Variants in CDC42EP2 observed in about 807,000 individuals in gnomAD.
CDC42EP2 encodes the protein CDC42 effector protein (Rho GTPase binding) 2.
A neutral mutation model predicts 7.3 loss-of-function variants in CDC42EP2; 5 were observed. The ratio of observed to expected loss-of-function variants is 0.68; its 90% CI spans 0.36 to 1.44. The LOEUF (loss-of-function observed/expected upper bound fraction) is 1.44. CDC42EP2 is among the 40% of genes most tolerant of loss of function. The probability of loss-of-function intolerance (pLI) is 0.04; values close to 1 mark genes in which losing one functional copy is unlikely to be tolerated. For missense variants in CDC42EP2, 251 were observed against 282.6 expected (o/e 0.89, Z 0.80); for synonymous variants, 113 against 123.6 (o/e 0.91, Z 0.57).
intron 1 of CDC42EP2, among the ~76,000 whole-genome samples, chr11:65,319,379 C>T (rs1949963300): frequency 6.6e-6 from 1 of 152,124 alleles, no homozygotes; most frequent in South Asian, 2.1e-4. Flanking sequence ...CCACCTGCCT[C>T]AGCCTCCCAA....
Position 65,321,414 on chromosome 11 carries a change from C to T in CDC42EP2, c.516C>T (p.Pro172=). The change falls in exon 2 of 2, where the codon CCC becomes CCT. Residue 172 remains proline, a synonymous_variant. Coordinates refer to ENST00000279249, the MANE Select transcript of CDC42EP2 (RefSeq NM_006779.4). This position sits in a 1 kb window ranked among gnomAD's most constrained non-coding sequence, Gnocchi z 4.4. Reference sequence around the variant, plus strand: ...CCCCGGAGTCAGGGGCCGAGGAGCCCTTCCTGTCCAATGCCAGCTCCCTGC... The same window carrying T: ...CCCCGGAGTCAGGGGCCGAGGAGCCTTTCCTGTCCAATGCCAGCTCCCTGC... ...GLTPESGAEE[P]FLSNASSLLS... The T allele has an allele frequency of 1.2e-6, 2 of 1,613,758 alleles. No individual in the cohort carries two copies. Among genetic ancestry groups the T allele is most frequent in the Non-Finnish European group, 1.7e-6 (2 of 1,180,028 alleles).
At chr11:65,320,126 T>C (rs1463614545) in intron 1 of CDC42EP2, among the ~76,000 whole-genome samples, 1 of 151,110 alleles carries the variant, frequency 6.6e-6, no homozygotes, top group Non-Finnish European at 1.5e-5. Context: ...GCAAGGGGAG[T>C]GCCCCACCCC....
At position 65,321,668 on chromosome 11, in the gene CDC42EP2, G is replaced by T. The variant is rs1487856955; in HGVS notation, c.*137G>T. 3.2e-5 allele frequency: 26 copies of T among 802,264 alleles called. No homozygotes were observed. The highest frequency in any genetic ancestry group is 5.0e-5 in the Non-Finnish European group (25 of 501,326). 49.7% of individuals were successfully genotyped at this position (802,264 alleles called of 1,614,324 possible). Reference sequence around the variant, plus strand: ...TGGCCAGTGATTCTCCTTCTGAGCCGTGTTTCCCCTCTCCCTCCCTCTCCA... The same window carrying T: ...TGGCCAGTGATTCTCCTTCTGAGCCTTGTTTCCCCTCTCCCTCCCTCTCCA... On this transcript the variant is annotated 3_prime_UTR_variant, in exon 2 of 2. Coordinates refer to ENST00000279249, the MANE Select transcript of CDC42EP2 (RefSeq NM_006779.4). This position sits in a 1 kb window ranked among gnomAD's most constrained non-coding sequence, Gnocchi z 4.4.
Position 65,321,037 on chromosome 11 carries a change from G to A in CDC42EP2, c.139G>A (p.Gly47Ser), listed in dbSNP as rs143788676. The A allele has an allele frequency of 1.7e-4, 274 of 1,613,966 alleles. No individual in the cohort carries two copies. The highest frequency in any genetic ancestry group is 8.2e-4 in the Middle Eastern group (5 of 6,084). ...FRHTIHIGSG[G>S]GSDMFGDISF... ...CCACACCATTCATATTGGCAGTGGC[G>A]GCGGCAGTGACATGTTTGGCGACAT... The change falls in exon 2 of 2, where the codon GGC becomes AGC. Residue 47 changes from glycine to serine, a missense_variant. Gly to Ser is a moderately conservative substitution (Grantham distance 56). Transcript: ENST00000279249. The surrounding 1 kb of genome is among the most constrained non-coding windows in gnomAD (Gnocchi z 4.4).
At chr11:65,317,018 C>G (rs80007781) in intron 1 of CDC42EP2, 3 of 150,296 alleles carry the variant, frequency 2.0e-5, no homozygotes, top group Non-Finnish European at 2.9e-5. Flanking sequence ...GGAAGACAAG[C>G]CCCCCCCAGG....
Position 65,320,561 on chromosome 11 carries a change from G to A in CDC42EP2, c.-338G>A, listed in dbSNP as rs191108161. ...TGTTTCAGCTCCTCAGCCCTGGACC[G>A]GGGACAAGTAACCCTCGGTGACAAG... On this transcript the variant is annotated 5_prime_UTR_variant, in exon 2 of 2. Coordinates refer to ENST00000279249, the MANE Select transcript of CDC42EP2 (RefSeq NM_006779.4). The A allele has an allele frequency of 1.1e-3, 314 of 278,222 alleles. No homozygotes were observed. The East Asian group carries it at 0.017, about 15-fold the overall frequency. 17.2% of individuals were successfully genotyped at this position (278,222 alleles called of 1,614,324 possible). A position where few individuals can be genotyped will look rare whatever the true frequency, so the allele number is the denominator to read the frequency against.
rs1036848484 is a variant in CDC42EP2 at position 65,314,908 on chromosome 11, C to T, written c.-402C>T. On this transcript the variant is annotated 5_prime_UTR_variant, in exon 1 of 2. Transcript: ENST00000279249. The stretch of plus-strand genomic sequence containing the variant: ...CGGGTCCGGCCGCCGCGCTGTCCAG[C>T]TCCTGAGACCTTGCTGTCCGCCGGT... 1 of 152,230 alleles carries T rather than the reference C, an allele frequency of 6.6e-6. No homozygotes were observed. Among genetic ancestry groups the T allele is most frequent in the African/African-American group, 2.4e-5 (1 of 41,464 alleles). The allele number at this position is 152,230 out of a possible 1,614,324, so 9.4% of individuals were successfully genotyped here.
rs1006984881 is a variant in CDC42EP2, at chr11:65,314,931, G to C, written c.-379G>C. On this transcript the variant is annotated 5_prime_UTR_variant, in exon 1 of 2. Coordinates refer to ENST00000279249, the MANE Select transcript of CDC42EP2 (RefSeq NM_006779.4). The stretch of plus-strand genomic sequence containing the variant: ...AGCTCCTGAGACCTTGCTGTCCGCC[G>C]GTCTGCCGTCTGCGCGCCTCACGGT... 2.0e-5 allele frequency: 3 copies of C among 152,280 alleles called. No individual in the cohort carries two copies. The highest frequency in any genetic ancestry group is 4.4e-5 in the Non-Finnish European group (3 of 68,090). The allele number at this position is 152,280 out of a possible 1,614,324, so 9.4% of individuals were successfully genotyped here.
chr11:65,318,317 C>T (rs906805024), intron 1 of CDC42EP2, among the ~76,000 whole-genome samples: 4 of 151,636 alleles, frequency 2.6e-5, no homozygotes, highest in African/African-American at 9.7e-5. Context: ...TGCAGTGGCG[C>T]GATCTAGGCC....
rs1231520304 is a variant in CDC42EP2, at chr11:65,315,004, C to G, written c.-356+50C>G. 6.6e-6 allele frequency: 1 copy of G among 152,322 alleles called. No homozygotes were observed. Among genetic ancestry groups the G allele is most frequent in the African/African-American group, 2.4e-5 (1 of 41,438 alleles). 9.4% of individuals were successfully genotyped at this position (152,322 alleles called of 1,614,324 possible). A position where few individuals can be genotyped will look rare whatever the true frequency, so the allele number is the denominator to read the frequency against. The stretch of plus-strand genomic sequence containing the variant: ...AGCTTCGCGGGGGTCCCCCGAGAGG[C>G]CCATCTCTGTGGCGCCCCGCCCCAG... On this transcript the variant is annotated intron_variant, in intron 1 of 1. Transcript: ENST00000279249. The surrounding 1 kb of genome is among the most constrained non-coding windows in gnomAD (Gnocchi z 4.1).
Position 65,320,233 on chromosome 11 carries a change from G to A in CDC42EP2, c.-355-311G>A, listed in dbSNP as rs540684726. On this transcript the variant is annotated intron_variant, in intron 1 of 1. Coordinates refer to ENST00000279249, the MANE Select transcript of CDC42EP2 (RefSeq NM_006779.4). The stretch of plus-strand genomic sequence containing the variant: ...TGTGATCCCAGCATTTTGGGAGGCC[G>A]AGGCGGGCGGATCATTTGAGGTCAG... Among the ~76,000 whole-genome samples, 12 of 152,234 alleles carry A rather than the reference G, an allele frequency of 7.9e-5. No homozygotes were observed. In the South Asian group the frequency reaches 2.1e-3, roughly 26 times the overall value.
rs1013613189 is a variant in CDC42EP2, at chr11:65,321,641, G to A, written c.*110G>A. ...GTCCCAAGATCCCACCTGTATGGTC[G>A]CTGGCCAGTGATTCTCCTTCTGAGC... On this transcript the variant is annotated 3_prime_UTR_variant, in exon 2 of 2. Transcript: ENST00000279249. This position sits in a 1 kb window ranked among gnomAD's most constrained non-coding sequence, Gnocchi z 4.4. 69 of 997,144 alleles carry A rather than the reference G, an allele frequency of 6.9e-5. No individual in the cohort carries two copies. The highest frequency in any genetic ancestry group is 1.0e-4 in the Non-Finnish European group (68 of 667,910). The allele number at this position is 997,144 out of a possible 1,614,324, so 61.8% of individuals were successfully genotyped here. A position where few individuals can be genotyped will look rare whatever the true frequency, so the allele number is the denominator to read the frequency against.
intron 1 of CDC42EP2, among the ~76,000 whole-genome samples, chr11:65,319,041 T>TTC (rs4149827): frequency 0.032 from 4,925 of 151,622 alleles, 119 homozygotes; most frequent in Middle Eastern, 0.092. Flanking sequence ...TGCATTTTGC[T>TTC]TCTCTCTCTC....
In CDC42EP2 at chr11:65,321,285, G is replaced by A. The variant is rs754091873; in HGVS notation, c.387G>A (p.Lys129=). 21 of 1,613,750 alleles carry A rather than the reference G, an allele frequency of 1.3e-5. No individual in the cohort carries two copies. The highest frequency in any genetic ancestry group is 5.3e-5 in the African/African-American group (4 of 74,906). The change falls in exon 2 of 2, where the codon AAG becomes AAA. Residue 129 remains lysine, a synonymous_variant. Transcript: ENST00000279249. The surrounding 1 kb of genome is among the most constrained non-coding windows in gnomAD (Gnocchi z 4.4). The stretch of plus-strand genomic sequence containing the variant: ...TGCCCACAGCCCAGGCTCCACCCAA[G>A]CCCCCTCGCCTGCACCTGGAGACCC... ...LTLPTAQAPP[K]PPRLHLETPQ...
At chr11:65,320,519 C>A in intron 1 of CDC42EP2, 25 bp from the exon 2 acceptor site, 1 of 193,236 alleles carries the variant, frequency 5.2e-6, no homozygotes, top group Non-Finnish European at 1.1e-5. Context: ...CTGTCTCTGA[C>A]AGGTGTGCAC....
chr11:65,316,450 A>T (rs186358188), intron 1 of CDC42EP2, among the ~76,000 whole-genome samples: 1 of 152,214 alleles, frequency 6.6e-6, no homozygotes, highest in Non-Finnish European at 1.5e-5. Flanking sequence ...ATGTAGATGG[A>T]GGAGATCTGG....
At position 65,322,205 on chromosome 11, in the gene CDC42EP2, C is replaced by T. The variant is rs934682385; in HGVS notation, c.*674C>T. ...CCCAGAGGGCTTTGTGGAGGACAGG[C>T]CTTGCCCTCAAGAACGTCGTACCTG... On this transcript the variant is annotated 3_prime_UTR_variant, in exon 2 of 2. Transcript: ENST00000279249. The T allele has an allele frequency of 6.0e-6, 1 of 167,052 alleles. No individual in the cohort carries two copies. The highest frequency in any genetic ancestry group is 1.5e-5 in the Non-Finnish European group (1 of 68,196). The allele number at this position is 167,052 out of a possible 1,614,324, so 10.3% of individuals were successfully genotyped here. A position where few individuals can be genotyped will look rare whatever the true frequency, so the allele number is the denominator to read the frequency against.
chr11:65,318,238 G>C (rs1397787031), intron 1 of CDC42EP2, among the ~76,000 whole-genome samples: 1 of 150,544 alleles, frequency 6.6e-6, no homozygotes, highest in Non-Finnish European at 1.5e-5. Context: ...TGGTATTACA[G>C]ACTTGTGCCA....
chr11:65,321,094 C>T lies in CDC42EP2; in HGVS notation c.196C>T (p.Pro66Ser). Reference protein sequence around the residue: ...SFLQGKFHLLPGTMVEGPEED... With the variant: ...SFLQGKFHLLSGTMVEGPEED... ...CCTGCAGGGCAAGTTCCACCTCCTGCCGGGGACCATGGTGGAGGGGCCTGA... is the reference window on the plus strand; with the variant it reads ...CCTGCAGGGCAAGTTCCACCTCCTGTCGGGGACCATGGTGGAGGGGCCTGA... Residue 66 changes from proline to serine, a missense_variant, in exon 2 of 2, where the codon CCG (proline) becomes TCG (serine). Coordinates refer to ENST00000279249, the MANE Select transcript of CDC42EP2 (RefSeq NM_006779.4). This position sits in a 1 kb window ranked among gnomAD's most constrained non-coding sequence, Gnocchi z 4.4. 1 of 1,614,194 alleles carries T rather than the reference C, an allele frequency of 6.2e-7. No individual in the cohort carries two copies. Among genetic ancestry groups the T allele is most frequent in the East Asian group, 2.2e-5 (1 of 44,878 alleles).
Sources: allele counts gnomAD v4.1 joint callset (sites outside exome capture counted in the v4.1 genomes callset), GRCh38; gene constraint gnomAD v4.1.1; non-coding constraint Gnocchi (gnomAD v3.1); transcripts MANE v1.5; gene names NCBI Gene and HGNC (gene_info 2026-07-23, HGNC 2026-07-21).